The following NFILZ variants were observed in gnomAD, a reference collection of about 807,000 sequenced individuals.
NFILZ encodes NFIL3 like basic leucine zipper.
At chr19:8,650,289 T>G (rs2042959471) in intron 3 of NFILZ, among the ~76,000 whole-genome samples, 1 of 152,136 alleles carries the variant, frequency 6.6e-6, no homozygotes, top group African/African-American at 2.4e-5. Flanking sequence ...AACAAGATCT[T>G]ACATGACCAC....
At position 8,646,077 on chromosome 19, in the gene NFILZ, C is replaced by A. The variant is rs938243205; in HGVS notation, c.-164+10331C>A. On this transcript the variant is annotated intron_variant, in intron 3 of 5. Transcript: ENST00000691075. ...GGGGGGATGGACTCTTGCTCTGTTG[C>A]CCAGGCTGGAGTCCAGTGGCGCGAT... 7.2e-5 allele frequency among the ~76,000 whole-genome samples: 11 copies of A among 151,918 alleles called. No individual in the cohort carries two copies. The East Asian group carries it at 1.9e-3, about 27-fold the overall frequency.
chr19:8,675,031 C>T (rs1384850962), intron 4 of NFILZ, among the ~76,000 whole-genome samples: 5 of 152,144 alleles, frequency 3.3e-5, no homozygotes, highest in African/African-American at 1.2e-4. Context: ...AGGTTGTTTT[C>T]ATTCATGTGT....
Position 8,648,086 on chromosome 19 carries a change from A to G in NFILZ, c.-164+12340A>G, listed in dbSNP as rs556345327. ...CTACTTGGGAGGCTGAGGCAGGAGA[A>G]TGCTGTGAACCTGGGAGGTGGAGCT... On this transcript the variant is annotated intron_variant, in intron 3 of 5. Transcript: ENST00000691075. Among the ~76,000 whole-genome samples, 4 of 148,158 alleles carry G rather than the reference A, an allele frequency of 2.7e-5. No homozygotes were observed. The South Asian group carries it at 6.6e-4, about 24-fold the overall frequency.
At chr19:8,633,944 T>TTCCA (rs2042883167) in intron 2 of NFILZ, among the ~76,000 whole-genome samples, 1 of 130,098 alleles carries the variant, frequency 7.7e-6, no homozygotes, top group Non-Finnish European at 1.6e-5. Flanking sequence ...CCTTCCTTCC[T>TTCCA]TCCCTCCCTT....
At chr19:8,654,397 TG>T (rs2042983062) in intron 3 of NFILZ, among the ~76,000 whole-genome samples, 1 of 150,864 alleles carries the variant, frequency 6.6e-6, no homozygotes, top group African/African-American at 2.4e-5. Context: ...GCGGGAGGAT[TG>T]TTTGAGCCCA....
chr19:8,667,374 G>A (rs1372946642), intron 3 of NFILZ, among the ~76,000 whole-genome samples: 5 of 152,018 alleles, frequency 3.3e-5, no homozygotes, highest in Middle Eastern at 3.4e-3. Flanking sequence ...TTCCTTCTAC[G>A]AGTCAACCCA....
At chr19:8,646,605 G>T (rs28552088) in intron 3 of NFILZ, among the ~76,000 whole-genome samples, 5 of 152,086 alleles carry the variant, frequency 3.3e-5, no homozygotes, top group East Asian at 1.9e-4. Flanking sequence ...GCTCCCCGAG[G>T]CCCCTGGGTT....
intron 3 of NFILZ, among the ~76,000 whole-genome samples, chr19:8,653,011 C>CCTTTCCTTCTTTCTTT (rs2042974083): frequency 9.5e-5 from 5 of 52,882 alleles, no homozygotes; most frequent in African/African-American, 4.0e-4. Context: ...TTCCTTCCTT[C>CCTTTCCTTCTTTCTTT]CTTTCTTTCT....
chr19:8,676,421 A>G lies in NFILZ; in HGVS notation c.-51A>G, dbSNP rs1387358277. Among the ~76,000 whole-genome samples the G allele has an allele frequency of 2.6e-5, 4 of 152,184 alleles. No homozygotes were observed. The highest frequency in any genetic ancestry group is 9.7e-5 in the African/African-American group (4 of 41,440). ...AATCTTACCTTGGAACTCCAATTGA[A>G]CTGAGCCCTGGGCTTGTCTGCTGAC... On this transcript the variant is annotated 5_prime_UTR_variant, in exon 5 of 6. Transcript: ENST00000691075.
chr19:8,677,979 TTCA>T lies in NFILZ; in HGVS notation c.*348_*350del, dbSNP rs1302416581. 1.3e-5 allele frequency among the ~76,000 whole-genome samples: 2 copies of T among 151,670 alleles called. No individual in the cohort carries two copies. Among genetic ancestry groups the T allele is most frequent in the Non-Finnish European group, 2.9e-5 (2 of 67,920 alleles). On this transcript the variant is annotated 3_prime_UTR_variant, in exon 6 of 6. Transcript: ENST00000691075. ...CCTCATTTATTCATCCATTCATTCA[TTCA>T]TCAATCCTTATCCATCCATCCATTA...
intron 3 of NFILZ, among the ~76,000 whole-genome samples, chr19:8,660,939 C>T (rs1454958858): frequency 1.4e-5 from 2 of 145,346 alleles, no homozygotes; most frequent in Non-Finnish European, 3.0e-5. Flanking sequence ...CATACCTGCC[C>T]TCCTTCCTTC....
chr19:8,644,480 A>G (rs1481678237), intron 3 of NFILZ, among the ~76,000 whole-genome samples: 3 of 151,996 alleles, frequency 2.0e-5, no homozygotes, highest in African/African-American at 7.3e-5. Flanking sequence ...AAGTCAGTCT[A>G]TGCTATGACT....
chr19:8,637,912 C>CAAAAAAAAAAAAAAAAAA, intron 3 of NFILZ, among the ~76,000 whole-genome samples: 14 of 20,256 alleles, frequency 6.9e-4, no homozygotes, highest in East Asian at 4.9e-3. Flanking sequence ...AAGATGGTCT[C>CAAAAAAAAAAAAAAAAAA]AAAAAAAAAA....
At chr19:8,661,402 G>A (rs1600150527) in intron 3 of NFILZ, among the ~76,000 whole-genome samples, 2 of 151,726 alleles carry the variant, frequency 1.3e-5, no homozygotes, top group East Asian at 3.9e-4. Context: ...TCATCCATCC[G>A]TGGTCACTTA....
At chr19:8,661,926 G>A (rs1003024450) in intron 3 of NFILZ, among the ~76,000 whole-genome samples, 1 of 151,992 alleles carries the variant, frequency 6.6e-6, no homozygotes, top group Non-Finnish European at 1.5e-5. Context: ...TAGGCCAGGC[G>A]AGGTGGTTCA....
At chr19:8,635,839 A>G (rs570628181) in intron 3 of NFILZ, 93 bp downstream of exon 3, 37 of 151,534 alleles carry the variant, frequency 2.4e-4, no homozygotes, top group African/African-American at 7.7e-4. Context: ...TTATTTGTTT[A>G]TTTATTTTTA....
At position 8,677,885 on chromosome 19, in the gene NFILZ, A is replaced by G. The variant is rs2043118493; in HGVS notation, c.*250A>G. Among the ~76,000 whole-genome samples, 2 of 151,800 alleles carry G rather than the reference A, an allele frequency of 1.3e-5. No homozygotes were observed. The highest frequency in any genetic ancestry group is 4.8e-5 in the African/African-American group (2 of 41,310). On this transcript the variant is annotated 3_prime_UTR_variant, in exon 6 of 6. Transcript: ENST00000691075. ...CTTAAAATCTATGCTTTGGGTTGTC[A>G]CTTTTCCCTCTTCCTTCCTCCTTTC...
rs1291305028 is a variant in NFILZ, at chr19:8,678,967, G to A, written c.*1332G>A. Among the ~76,000 whole-genome samples the A allele has an allele frequency of 3.3e-5, 5 of 152,108 alleles. No individual in the cohort carries two copies. The highest frequency in any genetic ancestry group is 1.9e-4 in the East Asian group (1 of 5,180). On this transcript the variant is annotated 3_prime_UTR_variant, in exon 6 of 6. Transcript: ENST00000691075. ...AGACCAGACTGAAGGAGGAGGTAAC[G>A]TCTAGGGTGTCTGAATCCCCCTTCT...
At chr19:8,657,024 G>T (rs1555748589) in intron 3 of NFILZ, among the ~76,000 whole-genome samples, 1 of 152,066 alleles carries the variant, frequency 6.6e-6, no homozygotes, top group African/African-American at 2.4e-5. Context: ...GTAAGGATTT[G>T]GGGTGCAGTA....
Sources: allele counts gnomAD v4.1 joint callset (sites outside exome capture counted in the v4.1 genomes callset), GRCh38; gene constraint gnomAD v4.1.1; transcripts MANE v1.5; gene names NCBI Gene and HGNC (gene_info 2026-07-23, HGNC 2026-07-21).